TMEM132D: variants seen among roughly 807,000 people sequenced by gnomAD.
TMEM132D encodes the protein transmembrane protein 132D.
TMEM132D carries 21 observed loss-of-function variants against 62.3 expected under a neutral mutation model. The observed-to-expected ratio is 0.34, with a 90% CI of 0.24 to 0.49. TMEM132D has a LOEUF of 0.49. Among genes scored for constraint, TMEM132D ranks in the 20% least tolerant of loss-of-function variants. TMEM132D has a pLI of 0.99. For missense variants in TMEM132D, 1,346 were observed against 1,402.8 expected (o/e 0.96, Z 0.65); for synonymous variants, 621 against 575.6 (o/e 1.08, Z -1.13).
At chr12:129,214,769 C>A (rs1244269972) in intron 4 of TMEM132D, among the ~76,000 whole-genome samples, 3 of 152,144 alleles carry the variant, frequency 2.0e-5, no homozygotes, top group Non-Finnish European at 4.4e-5. Context: ...TCATCTCACA[C>A]CAGTCAGAAT....
chr12:129,558,990 G>C (rs1877138956), intron 2 of TMEM132D, among the ~76,000 whole-genome samples: 1 of 152,168 alleles, frequency 6.6e-6, no homozygotes, highest in Admixed American at 6.5e-5. Flanking sequence ...CTCCTACTTT[G>C]TTGAATGCAA....
At chr12:129,645,778 C>T (rs1252089656) in intron 2 of TMEM132D, among the ~76,000 whole-genome samples, 1 of 152,116 alleles carries the variant, frequency 6.6e-6, no homozygotes, top group East Asian at 1.9e-4. Context: ...ACGGAGTGAC[C>T]TCTGGTTACC....
intron 3 of TMEM132D, among the ~76,000 whole-genome samples, chr12:129,388,907 C>T (rs1264692045): frequency 1.5e-5 from 2 of 130,398 alleles, no homozygotes; most frequent in Admixed American, 1.5e-4. Flanking sequence ...AATATAAACA[C>T]TAACACCGAC....
At chr12:129,465,070 C>T (rs891266968) in intron 3 of TMEM132D, among the ~76,000 whole-genome samples, 7 of 152,134 alleles carry the variant, frequency 4.6e-5, no homozygotes, top group African/African-American at 1.7e-4. Context: ...GCAGTATGGG[C>T]ATTTTCACGA....
chr12:129,384,641 C>G (rs1287368859), intron 3 of TMEM132D, among the ~76,000 whole-genome samples: 1 of 152,072 alleles, frequency 6.6e-6, no homozygotes, highest in African/African-American at 2.4e-5. Flanking sequence ...CCTGGCTACT[C>G]CAAGTGTGGT....
chr12:129,790,045 G>A (rs1871357886), intron 1 of TMEM132D, among the ~76,000 whole-genome samples: 1 of 152,140 alleles, frequency 6.6e-6, no homozygotes, highest in South Asian at 2.1e-4. Context: ...GGGCTGCTTC[G>A]ACGCCAGCAG....
chr12:129,614,353 A>C, intron 2 of TMEM132D, among the ~76,000 whole-genome samples: 1 of 152,250 alleles, frequency 6.6e-6, no homozygotes, highest in South Asian at 2.1e-4. Flanking sequence ...GCTCAAGGCC[A>C]GAGGGACTGA....
intron 2 of TMEM132D, among the ~76,000 whole-genome samples, chr12:129,680,736 A>T (rs2137208036): frequency 6.6e-6 from 1 of 152,328 alleles, no homozygotes; most frequent in South Asian, 2.1e-4. Flanking sequence ...TGAAACAGCA[A>T]CTAGAGGATG....
chr12:129,232,903 T>G (rs1014887074), intron 4 of TMEM132D, among the ~76,000 whole-genome samples: 13 of 151,774 alleles, frequency 8.6e-5, no homozygotes, highest in African/African-American at 2.7e-4. Context: ...GAGAACTCCC[T>G]CACTATCATG....
At chr12:129,866,697 C>T (rs73160273) in intron 1 of TMEM132D, among the ~76,000 whole-genome samples, 18,380 of 151,954 alleles carry the variant, frequency 0.12, 1,720 homozygotes, top group East Asian at 0.52. Flanking sequence ...AAAGCCATTA[C>T]GGCAAACAGT....
intron 4 of TMEM132D, among the ~76,000 whole-genome samples, chr12:129,268,690 A>G (rs1414145232): frequency 2.6e-5 from 4 of 152,124 alleles, no homozygotes; most frequent in African/African-American, 4.8e-5. Context: ...AGGATTATAA[A>G]CCATGCCTCT....
chr12:129,306,631 C>G (rs1881852249), intron 4 of TMEM132D, among the ~76,000 whole-genome samples: 1 of 152,164 alleles, frequency 6.6e-6, no homozygotes, highest in Non-Finnish European at 1.5e-5. Flanking sequence ...TCCTATGTGG[C>G]AAATGATCAT....
At chr12:129,167,622 T>C (rs12580745) in intron 5 of TMEM132D, among the ~76,000 whole-genome samples, 5,437 of 152,130 alleles carry the variant, frequency 0.036, 196 homozygotes, top group East Asian at 0.13. Flanking sequence ...CTTCTTGATT[T>C]ATCATTTCCC....
chr12:129,248,294 C>T (rs1880176562), intron 4 of TMEM132D, among the ~76,000 whole-genome samples: 1 of 152,166 alleles, frequency 6.6e-6, no homozygotes, highest in African/African-American at 2.4e-5. Flanking sequence ...GCTGATCCCA[C>T]ACTAATTAAC....
intron 4 of TMEM132D, among the ~76,000 whole-genome samples, chr12:129,297,307 C>G (rs1881602883): frequency 6.6e-6 from 1 of 152,210 alleles, no homozygotes; most frequent in Non-Finnish European, 1.5e-5. Flanking sequence ...CCCCCACAGG[C>G]CTTCCCGAGT....
At chr12:129,199,859 C>T (rs180986890) in intron 5 of TMEM132D, among the ~76,000 whole-genome samples, 41 of 152,276 alleles carry the variant, frequency 2.7e-4, no homozygotes, top group Admixed American at 7.8e-4. Flanking sequence ...CTGGGTCCCT[C>T]GCATGACACA....
rs563546363 is a variant in TMEM132D at position 129,305,005 on chromosome 12, A to G, written c.1299+32629T>C. 1.3e-4 allele frequency among the ~76,000 whole-genome samples: 20 copies of G among 152,274 alleles called. No individual in the cohort carries two copies. In the South Asian group the frequency reaches 3.1e-3, roughly 24 times the overall value. On this transcript the variant is annotated intron_variant, in intron 4 of 8. Coordinates refer to ENST00000422113, the MANE Select transcript of TMEM132D (RefSeq NM_133448.3). The stretch of plus-strand genomic sequence containing the variant: ...CTCAATGAAACCTTTGCCAACTACA[A>G]TATCTACAAAACCATATATCCATTA...
At chr12:129,795,968 AT>A (rs1340511500) in intron 1 of TMEM132D, among the ~76,000 whole-genome samples, 7 of 152,034 alleles carry the variant, frequency 4.6e-5, no homozygotes, top group Non-Finnish European at 1.0e-4. Flanking sequence ...TCATTAAAAT[AT>A]TTTTTCCTTT....
At chr12:129,580,537 T>C (rs977949797) in intron 2 of TMEM132D, among the ~76,000 whole-genome samples, 33 of 151,950 alleles carry the variant, frequency 2.2e-4, no homozygotes, top group African/African-American at 7.3e-4. Context: ...AATACTGAGA[T>C]CCCTTTAAAA....
Sources: allele counts gnomAD v4.1 joint callset (sites outside exome capture counted in the v4.1 genomes callset), GRCh38; gene constraint gnomAD v4.1.1; transcripts MANE v1.5; gene names NCBI Gene and HGNC (gene_info 2026-07-23, HGNC 2026-07-21).